DSCAML1: variants seen among roughly 807,000 people sequenced by gnomAD.
DSCAML1 encodes the protein cell adhesion molecule DSCAML1.
A neutral mutation model predicts 200.5 loss-of-function variants in DSCAML1; 38 were observed. The ratio of observed to expected loss-of-function variants is 0.19; its 90% CI spans 0.15 to 0.25. The LOEUF is 0.25. DSCAML1 is among the 10% of genes least tolerant of loss of function. The pLI is 1.00. For synonymous variants in DSCAML1, 1,215 were observed against 1,165.0 expected (o/e 1.04, Z -0.87); for missense variants, 2,223 against 2,858.8 (o/e 0.78, Z 5.07).
chr11:117,591,427 T>C (rs887807163), intron 3 of DSCAML1, among the ~76,000 whole-genome samples: 8 of 152,254 alleles, frequency 5.3e-5, no homozygotes, highest in Admixed American at 5.2e-4. Flanking sequence ...CCTCGTCTGC[T>C]AGGAGACATC....
At chr11:117,759,921 C>A (rs1198013105) in intron 3 of DSCAML1, among the ~76,000 whole-genome samples, 2 of 152,112 alleles carry the variant, frequency 1.3e-5, no homozygotes, top group Non-Finnish European at 2.9e-5. Context: ...CAGTTGAGAG[C>A]ACCAAGCCCT....
At chr11:117,602,916 T>C (rs181292155) in intron 3 of DSCAML1, among the ~76,000 whole-genome samples, 10 of 151,892 alleles carry the variant, frequency 6.6e-5, no homozygotes, top group Admixed American at 1.3e-4. Context: ...CTGGGCAACA[T>C]GGCGAAACCC....
intron 3 of DSCAML1, among the ~76,000 whole-genome samples, chr11:117,674,610 G>A (rs2053174505): frequency 6.6e-6 from 1 of 152,218 alleles, no homozygotes; most frequent in East Asian, 1.9e-4. Flanking sequence ...CAGATATCCC[G>A]CTGCAGATTC....
intron 3 of DSCAML1, among the ~76,000 whole-genome samples, chr11:117,541,707 A>C (rs1434759206): frequency 2.0e-5 from 3 of 152,214 alleles, no homozygotes; most frequent in African/African-American, 7.2e-5. Context: ...TCTGGACTGT[A>C]AGCCATGGTG....
intron 1 of DSCAML1, among the ~76,000 whole-genome samples, chr11:117,793,490 C>G (rs1045872127): frequency 5.3e-5 from 8 of 152,158 alleles, no homozygotes; most frequent in African/African-American, 1.9e-4. Flanking sequence ...TGGCAAGTGG[C>G]AAGGATGTGT....
upstream of DSCAML1, chr11:117,801,767 G>A (rs1018434045): frequency 6.6e-6 from 1 of 152,252 alleles, no homozygotes; most frequent in Non-Finnish European, 1.5e-5. Context: ...CGCCTGTACA[G>A]ATGCAGTCTC....
chr11:117,632,725 C>T (rs913513782), intron 3 of DSCAML1, among the ~76,000 whole-genome samples: 8 of 152,140 alleles, frequency 5.3e-5, no homozygotes, highest in East Asian at 1.9e-4. Flanking sequence ...TTCAGGTTTG[C>T]GTGGGTCAGT....
chr11:117,813,807 G>C (rs12288877), intron 1 of DSCAML1, among the ~76,000 whole-genome samples: 19,522 of 152,034 alleles, frequency 0.13, 1,357 homozygotes, highest in African/African-American at 0.17. Context: ...CGTCCATTCT[G>C]TCTCCATACC....
chr11:117,731,840 G>A (rs1207746107), intron 3 of DSCAML1, among the ~76,000 whole-genome samples: 3 of 152,186 alleles, frequency 2.0e-5, no homozygotes, highest in Non-Finnish European at 2.9e-5. Flanking sequence ...GGCACAACAG[G>A]CTATTTTTTC....
chr11:117,526,164 C>T (rs1318850560), intron 4 of DSCAML1, among the ~76,000 whole-genome samples: 2 of 152,218 alleles, frequency 1.3e-5, no homozygotes, highest in Non-Finnish European at 2.9e-5. Context: ...CTCTGGGTTT[C>T]CTGCCCCTGG....
At chr11:117,705,042 G>C (rs562942243) in intron 3 of DSCAML1, among the ~76,000 whole-genome samples, 8 of 152,332 alleles carry the variant, frequency 5.3e-5, no homozygotes, top group African/African-American at 1.9e-4. Flanking sequence ...ACGCCGAGGG[G>C]GGGACGTCTG....
At chr11:117,622,733 C>G (rs1426610905) in intron 3 of DSCAML1, among the ~76,000 whole-genome samples, 2 of 152,112 alleles carry the variant, frequency 1.3e-5, no homozygotes, top group Non-Finnish European at 2.9e-5. Context: ...TGAAGCAGGT[C>G]AAGTTCAAGT....
chr11:117,598,407 G>T (rs77973629), intron 3 of DSCAML1, among the ~76,000 whole-genome samples: 5,781 of 152,280 alleles, frequency 0.038, 191 homozygotes, highest in African/African-American at 0.086. Context: ...GAAGAGCAAA[G>T]GAAGCATTAG....
intron 3 of DSCAML1, among the ~76,000 whole-genome samples, chr11:117,687,833 T>C (rs958191246): frequency 6.6e-6 from 1 of 152,182 alleles, no homozygotes; most frequent in African/African-American, 2.4e-5. Context: ...TGCACTCCCA[T>C]GCAAAGGTCC....
intron 4 of DSCAML1, among the ~76,000 whole-genome samples, chr11:117,530,409 T>C (rs1173177574): frequency 1.3e-5 from 2 of 152,128 alleles, no homozygotes; most frequent in Non-Finnish European, 2.9e-5. Flanking sequence ...CAAAACACCA[T>C]ACACACAAGT....
intron 3 of DSCAML1, among the ~76,000 whole-genome samples, chr11:117,622,161 AT>A (rs975467471): frequency 1.3e-5 from 2 of 151,862 alleles, no homozygotes; most frequent in African/African-American, 2.4e-5. Flanking sequence ...TTAATACCAG[AT>A]TTTTTTTCCC....
intron 19 of DSCAML1, among the ~76,000 whole-genome samples, chr11:117,455,469 G>T (rs1315670518): frequency 6.6e-6 from 1 of 152,180 alleles, no homozygotes; most frequent in Non-Finnish European, 1.5e-5. Context: ...GCATGTGGAG[G>T]TCATATTGCT....
intron 19 of DSCAML1, among the ~76,000 whole-genome samples, chr11:117,456,671 C>CTTTTTTTTTTTTTTT: frequency 7.0e-6 from 1 of 142,138 alleles, no homozygotes; most frequent in Non-Finnish European, 1.5e-5. Context: ...GCAGTCATTT[C>CTTTTTTTTTTTTTTT]TTTTTTTTTT....
chr11:117,544,196 C>T (rs944162304), intron 3 of DSCAML1, among the ~76,000 whole-genome samples: 4 of 152,242 alleles, frequency 2.6e-5, no homozygotes, highest in East Asian at 1.9e-4. Flanking sequence ...GCCAGGGCCT[C>T]GAAGTACCTC....
Sources: gnomAD v4.1 joint callset for allele counts (sites outside exome capture counted in the v4.1 genomes callset) on GRCh38, gnomAD v4.1.1 for gene constraint, MANE v1.5 for transcripts, NCBI Gene and HGNC (gene_info 2026-07-23, HGNC 2026-07-21) for gene names.